TMPRSS15: variants seen among roughly 807,000 people sequenced by gnomAD.
TMPRSS15 encodes transmembrane serine protease 15.
TMPRSS15 carries 128 observed loss-of-function variants against 125.3 expected under a neutral mutation model. That is an observed-to-expected ratio of 1.02 (90% CI 0.89 to 1.18). The LOEUF is 1.18. Among genes scored for constraint, TMPRSS15 ranks in the 50% most tolerant of loss-of-function variants. The pLI, the probability that TMPRSS15 is intolerant of heterozygous loss-of-function variation, is 0.00. For synonymous variants in TMPRSS15, 446 were observed against 423.2 expected, an observed-to-expected ratio of 1.05 and a Z score of -0.66; for missense variants, 1,283 against 1,212.7, an observed-to-expected ratio of 1.06 and a Z score of -0.86.
At chr21:18,396,496 T>G (rs1181387720) in intron 3 of TMPRSS15, among the ~76,000 whole-genome samples, 1 of 152,026 alleles carries the variant, frequency 6.6e-6, no homozygotes, top group Non-Finnish European at 1.5e-5. Flanking sequence ...ATCTTACAGC[T>G]GGGCGCTGTG....
chr21:18,383,036 C>CT (rs1360674480), intron 4 of TMPRSS15, among the ~76,000 whole-genome samples: 1 of 151,990 alleles, frequency 6.6e-6, no homozygotes. Context: ...CTTTTTTCTT[C>CT]TTTTTTTAGC....
chr21:18,413,356 C>CTTCCTTCCT (rs1287253034), intron 1 of TMPRSS15, among the ~76,000 whole-genome samples: 4 of 127,894 alleles, frequency 3.1e-5, no homozygotes, highest in Non-Finnish European at 4.9e-5. Flanking sequence ...TCCTTCCTTC[C>CTTCCTTCCT]TTCCTTTCCT....
At chr21:18,320,255 A>T (rs9979312) in intron 16 of TMPRSS15, among the ~76,000 whole-genome samples, 83,105 of 151,658 alleles carry the variant, frequency 0.55, 23,133 homozygotes, top group East Asian at 0.65. Context: ...ATTTTAATAT[A>T]CTTTATTTAA....
Position 18,353,212 on chromosome 21 carries a change from TTA to T in TMPRSS15, c.1022-162_1022-161del, listed in dbSNP as rs1218120041. The stretch of plus-strand genomic sequence containing the variant: ...TGATCTTAACTCTGTTGCATTCTAT[TTA>T]TTTTTTTTAAAGCAGCTTTTTGTTG... On this transcript the variant is annotated intron_variant, in intron 9 of 24. Transcript: ENST00000284885. Among the ~76,000 whole-genome samples, 7 of 151,816 alleles carry T rather than the reference TTA, an allele frequency of 4.6e-5. No homozygotes were observed. In the East Asian group the frequency reaches 1.3e-3, roughly 29 times the overall value.
At chr21:18,372,415 C>G in intron 5 of TMPRSS15, 91 bp from the exon 6 acceptor site, 2 of 1,128,732 alleles carry the variant, frequency 1.8e-6, no homozygotes, top group Non-Finnish European at 2.6e-6. Context: ...GGGGTTCTTA[C>G]TTATAAGTAT....
intron 3 of TMPRSS15, among the ~76,000 whole-genome samples, chr21:18,392,576 T>G (rs987255320): frequency 2.0e-5 from 3 of 152,200 alleles, no homozygotes; most frequent in African/African-American, 4.8e-5. Context: ...TTCTCCAAAC[T>G]ACTCCAACCT....
Position 18,305,409 on chromosome 21 carries a change from C to T in TMPRSS15, c.2165+7536G>A, listed in dbSNP as rs1199386538. Among the ~76,000 whole-genome samples the T allele has an allele frequency of 3.3e-5, 5 of 152,122 alleles. No individual in the cohort carries two copies. The East Asian group carries it at 9.7e-4, about 30-fold the overall frequency. On this transcript the variant is annotated intron_variant, in intron 18 of 24. Coordinates refer to ENST00000284885, the MANE Select transcript of TMPRSS15 (RefSeq NM_002772.3). ...TTCACCGGGTTAGCCAGGATGGTCT[C>T]CATCTCCTGACCTCGTGATCCGCCC...
At chr21:18,374,913 G>A (rs953869147) in intron 5 of TMPRSS15, among the ~76,000 whole-genome samples, 15 of 152,176 alleles carry the variant, frequency 9.9e-5, no homozygotes, top group South Asian at 6.2e-4. Context: ...TGAAGAATGG[G>A]ATGCTAAGGA....
chr21:18,417,253 CA>C (rs1439266969), intron 1 of TMPRSS15, among the ~76,000 whole-genome samples: 1 of 152,006 alleles, frequency 6.6e-6, no homozygotes, highest in Non-Finnish European at 1.5e-5. Context: ...CAAGTTGAAT[CA>C]GAAGTCTCTA....
chr21:18,281,927 C>A (rs2074703659), intron 21 of TMPRSS15, among the ~76,000 whole-genome samples: 1 of 151,784 alleles, frequency 6.6e-6, no homozygotes, highest in South Asian at 2.1e-4. Flanking sequence ...GAAACCCCGT[C>A]TCTACTAAAA....
intron 18 of TMPRSS15, among the ~76,000 whole-genome samples, chr21:18,312,549 A>G (rs2146935185): frequency 6.6e-6 from 1 of 151,608 alleles, no homozygotes; most frequent in South Asian, 2.1e-4. Flanking sequence ...ACTATTGTAA[A>G]TGTGTTGCAA....
chr21:18,280,246 T>C (rs1173713038), intron 22 of TMPRSS15, among the ~76,000 whole-genome samples: 1 of 152,086 alleles, frequency 6.6e-6, no homozygotes, highest in East Asian at 1.9e-4. Flanking sequence ...CCTTCATTTG[T>C]CACTCAGATA....
chr21:18,279,941 C>A (rs2074671724), intron 22 of TMPRSS15, among the ~76,000 whole-genome samples: 1 of 152,114 alleles, frequency 6.6e-6, no homozygotes, highest in African/African-American at 2.4e-5. Context: ...CCAACTGGCA[C>A]CCTTAAGCAC....
At chr21:18,367,047 T>A (rs1233846449) in intron 6 of TMPRSS15, among the ~76,000 whole-genome samples, 1 of 152,060 alleles carries the variant, frequency 6.6e-6, no homozygotes, top group Non-Finnish European at 1.5e-5. Context: ...TATTTTCAGG[T>A]GCATAAAAAT....
intron 24 of TMPRSS15, among the ~76,000 whole-genome samples, chr21:18,274,103 A>G (rs948391327): frequency 1.3e-5 from 2 of 152,244 alleles, no homozygotes; most frequent in African/African-American, 4.8e-5. Context: ...GGTTTAATCC[A>G]GCAGACATTA....
At chr21:18,344,889 C>T (rs528063892) in intron 10 of TMPRSS15, among the ~76,000 whole-genome samples, 2 of 152,280 alleles carry the variant, frequency 1.3e-5, no homozygotes, top group African/African-American at 2.4e-5. Context: ...GATTGGAATG[C>T]AATTTTTTAT....
rs192909611 is a variant in TMPRSS15 at position 18,476,732 on chromosome 21, A to C, written c.10+9067T>G. Reference sequence around the variant, plus strand: ...AACATTGCTGCATTAAAAATAACTTACAAGAAAAGGCTTTCATACCAATTA... The same window carrying C: ...AACATTGCTGCATTAAAAATAACTTCCAAGAAAAGGCTTTCATACCAATTA... On this transcript the variant is annotated intron_variant, in intron 1 of 7. Coordinates refer to the TMPRSS15 transcript ENST00000422787. 2.9e-3 allele frequency among the ~76,000 whole-genome samples: 440 copies of C among 152,286 alleles called. 2 individuals are homozygous for C. Among genetic ancestry groups the C allele is most frequent in the African/African-American group, 0.01 (418 of 41,568 alleles).
At chr21:18,468,447 G>A (rs1189631503) in intron 1 of TMPRSS15, among the ~76,000 whole-genome samples, 1 of 151,836 alleles carries the variant, frequency 6.6e-6, no homozygotes, top group Non-Finnish European at 1.5e-5. Context: ...TCTTTCACTG[G>A]CTCAGCCTCC....
At chr21:18,458,518 C>T (rs1260577952) in intron 1 of TMPRSS15, among the ~76,000 whole-genome samples, 1 of 152,104 alleles carries the variant, frequency 6.6e-6, no homozygotes. Context: ...AGTAGAACTC[C>T]AGAGGAGTTA....
Sources: gnomAD v4.1 joint callset for allele counts (sites outside exome capture counted in the v4.1 genomes callset) on GRCh38, gnomAD v4.1.1 for gene constraint, MANE v1.5 for transcripts, NCBI Gene and HGNC (gene_info 2026-07-23, HGNC 2026-07-21) for gene names.